The following CARS2 variants were observed in gnomAD, a reference collection of about 807,000 sequenced individuals.
The protein encoded by CARS2 is cysteinyl-tRNA synthetase 2, mitochondrial, also known as probable cysteine--tRNA ligase, mitochondrial.
A neutral mutation model predicts 68.8 loss-of-function variants in CARS2; 52 were observed. The observed-to-expected ratio is 0.76, with a 90% CI of 0.61 to 0.95. The LOEUF is 0.95. Ranked by LOEUF, CARS2 falls within the 40% of genes least tolerant of loss-of-function variation. The pLI is 0.00. For synonymous variants in CARS2, 314 were observed against 303.6 expected, an observed-to-expected ratio of 1.03 and a Z score of -0.36; for missense variants, 780 against 754.2, an observed-to-expected ratio of 1.03 and a Z score of -0.40.
Position 110,674,738 on chromosome 13 carries a change from T to C in CARS2, c.785+2236A>G, listed in dbSNP as rs1017057172. Among the ~76,000 whole-genome samples the C allele has an allele frequency of 1.1e-3, 160 of 152,220 alleles. 2 individuals carry two copies. The highest frequency in any genetic ancestry group is 4.8e-3 in the Admixed American group (73 of 15,280). ...CTAATTAAACTAAAGAGCTTCTGCA[T>C]AGCAAAAGAAACAACCATCAGAGTG... On this transcript the variant is annotated intron_variant, in intron 7 of 14. Coordinates refer to ENST00000257347, the MANE Select transcript of CARS2 (RefSeq NM_024537.4).
chr13:110,713,265 CAG>C (rs2064058744), exon 1 of CARS2: 10 of 1,327,502 alleles, frequency 7.5e-6, no homozygotes, highest in African/African-American at 5.9e-5. Context: ...GACGAAGAGT[CAG>C]GGGCTGAGGA....
chr13:110,691,406 A>G (rs1283571404), intron 3 of CARS2, among the ~76,000 whole-genome samples: 2 of 152,316 alleles, frequency 1.3e-5, no homozygotes, highest in East Asian at 3.9e-4. Context: ...TTGTTTCATG[A>G]AATGTAAAAA....
intron 1 of CARS2, chr13:110,712,631 A>C (rs1369344899): frequency 3.7e-6 from 2 of 533,498 alleles, no homozygotes; most frequent in East Asian, 3.8e-5. Context: ...GGGAGGGTAG[A>C]GGGGCGACGC....
intron 14 of CARS2, among the ~76,000 whole-genome samples, chr13:110,641,929 C>T (rs550612668): frequency 6.6e-6 from 1 of 152,328 alleles, no homozygotes; most frequent in East Asian, 1.9e-4. Flanking sequence ...GGGCAGGGCG[C>T]AGTGGCTCAC....
rs766429395 is a variant in CARS2, at chr13:110,641,492, A to G, written c.*45T>C. ...ACATAAAGCCTTGACCCTGAGAAGC[A>G]TGGGTGCGTCTTGTCGTGAGCAGGT... On this transcript the variant is annotated 3_prime_UTR_variant, in exon 15 of 15. Coordinates refer to ENST00000257347, the MANE Select transcript of CARS2 (RefSeq NM_024537.4). 11 of 1,466,556 alleles carry G rather than the reference A, an allele frequency of 7.5e-6. No homozygotes were observed. Among genetic ancestry groups the G allele is most frequent in the Admixed American group, 6.7e-5 (4 of 59,814 alleles). The allele number at this position is 1,466,556 out of a possible 1,614,324, so 90.8% of individuals were successfully genotyped here. A position where few individuals can be genotyped will look rare whatever the true frequency, so the allele number is the denominator to read the frequency against.
intron 9 of CARS2, 35 bp downstream of exon 9, chr13:110,663,416 G>T (rs778989106): frequency 6.3e-7 from 1 of 1,595,338 alleles, no homozygotes; most frequent in South Asian, 1.1e-5. Context: ...ACAAGCTATC[G>T]GCACCTCAGA....
At chr13:110,687,692 G>GAAAA (rs552751411) in intron 5 of CARS2, 29 bp downstream of exon 5, 1 of 931,898 alleles carries the variant, frequency 1.1e-6, no homozygotes. Flanking sequence ...AAAAAAAAAA[G>GAAAA]AAAAAAAAAA....
rs948688494 is a variant in CARS2, at chr13:110,706,056, G to C, written c.38C>G (p.Pro13Arg). ...RTTRGPGLGP[P>R]LLQAALGLGR... Reference sequence around the variant, plus strand: ...AAGGCCCAGCGCGGCCTGGAGCAGCGGGGGGCCCAGGCCTGGGCCGCGCGT... The same window carrying C: ...AAGGCCCAGCGCGGCCTGGAGCAGCCGGGGGCCCAGGCCTGGGCCGCGCGT... The change falls in exon 1 of 15, where the codon CCG becomes CGG. Residue 13 changes from proline (P) to arginine (R), a missense_variant. Pro to Arg is a moderately radical substitution (Grantham distance 103). Coordinates refer to ENST00000257347, the MANE Select transcript of CARS2 (RefSeq NM_024537.4). The C allele has an allele frequency of 2.9e-6, 4 of 1,358,068 alleles. No individual in the cohort carries two copies. The highest frequency in any genetic ancestry group is 1.5e-5 in the African/African-American group (1 of 65,756). 84.1% of individuals were successfully genotyped at this position (1,358,068 alleles called of 1,614,324 possible). A position where few individuals can be genotyped will look rare whatever the true frequency, so the allele number is the denominator to read the frequency against.
chr13:110,673,890 A>C (rs998964263), intron 7 of CARS2, among the ~76,000 whole-genome samples: 9 of 152,220 alleles, frequency 5.9e-5, no homozygotes, highest in African/African-American at 2.2e-4. Context: ...ATCAATGTGC[A>C]AAAATCACAA....
chr13:110,650,171 C>T (rs925504057), intron 10 of CARS2: 2 of 152,114 alleles, frequency 1.3e-5, no homozygotes, highest in African/African-American at 4.8e-5. Context: ...GATCATGGCT[C>T]ACTGCAGCCT....
upstream of CARS2, chr13:110,706,567 C>G (rs547915121): frequency 8.2e-4 from 125 of 152,764 alleles, no homozygotes; most frequent in Non-Finnish European, 1.5e-3. Flanking sequence ...AGTGTCCACC[C>G]CAGAACACAC....
At chr13:110,675,440 G>C (rs1396751341) in intron 7 of CARS2, among the ~76,000 whole-genome samples, 1 of 152,150 alleles carries the variant, frequency 6.6e-6, no homozygotes, top group Non-Finnish European at 1.5e-5. Flanking sequence ...CCATCATTCT[G>C]AGCAAACTAT....
chr13:110,642,545 C>G lies in CARS2; in HGVS notation c.1417-24G>C, dbSNP rs753970334. 4.4e-6 allele frequency: 7 copies of G among 1,602,650 alleles called. No homozygotes were observed. In the South Asian group the frequency reaches 6.7e-5, roughly 15 times the overall value. ...TACTGAAGCCAGCAGGGCGCGGTTA[C>G]GTCCCCCGGAGACTGTGGATTGTGG... On this transcript the variant is annotated intron_variant, in intron 13 of 14. Transcript: ENST00000257347.
Position 110,676,409 on chromosome 13 carries a change from G to A in CARS2, c.785+565C>T, listed in dbSNP as rs557738965. ...TAGGGGATGCCGCAGTGGGCCAGGA[G>A]AGCAGTGTCGTGTGACTGAGTGGGG... is the stretch of plus-strand genomic sequence containing the variant. On this transcript the variant is annotated intron_variant, in intron 7 of 14. Transcript: ENST00000257347. The surrounding 1 kb of genome is among the most constrained non-coding windows in gnomAD (Gnocchi z 4.0). Among the ~76,000 whole-genome samples, 6 of 152,330 alleles carry A rather than the reference G, an allele frequency of 3.9e-5. No individual in the cohort carries two copies. The South Asian group carries it at 8.3e-4, about 21-fold the overall frequency.
At chr13:110,710,885 A>G (rs958043505), upstream of CARS2, among the ~76,000 whole-genome samples, 9 of 152,092 alleles carry the variant, frequency 5.9e-5, no homozygotes, top group Non-Finnish European at 1.2e-4. Flanking sequence ...ATGTGAAGAG[A>G]GTACATAACT....
chr13:110,692,496 G>T, intron 3 of CARS2, among the ~76,000 whole-genome samples: 1 of 148,060 alleles, frequency 6.8e-6, no homozygotes, highest in Non-Finnish European at 1.5e-5. Flanking sequence ...ATAAATAAAA[G>T]TTTTCATATT....
chr13:110,651,103 G>C lies in CARS2; in HGVS notation c.988-3C>G. On this transcript the variant is annotated splice_region_variant and splice_polypyrimidine_tract_variant and intron_variant, in intron 9 of 14. Coordinates refer to ENST00000257347, the MANE Select transcript of CARS2 (RefSeq NM_024537.4). ...GGGGAAAAGGTCTTCAGAAAGTCCT[G>C]GTAAAGCGAGAGACAGGCAGTCACG... The C allele has an allele frequency of 1.2e-6, 2 of 1,611,920 alleles. No homozygotes were observed. Among genetic ancestry groups the C allele is most frequent in the Non-Finnish European group, 1.7e-6 (2 of 1,178,532 alleles).
rs1233225244 is a variant in CARS2, at chr13:110,705,280, C to T, written c.275+241G>A. Reference sequence around the variant, plus strand: ...AAACCCAGCAAAAAACATCTAGTTCCAAAACGGGTCATTTTTCAGTGCTCC... The same window carrying T: ...AAACCCAGCAAAAAACATCTAGTTCTAAAACGGGTCATTTTTCAGTGCTCC... On this transcript the variant is annotated intron_variant, in intron 2 of 14. Transcript: ENST00000257347. This position sits in a 1 kb window ranked among gnomAD's most constrained non-coding sequence, Gnocchi z 4.0. 6.6e-6 allele frequency among the ~76,000 whole-genome samples: 1 copy of T among 152,154 alleles called. No individual in the cohort carries two copies. Among genetic ancestry groups the T allele is most frequent in the Non-Finnish European group, 1.5e-5 (1 of 68,024 alleles).
chr13:110,652,530 G>A (rs2062245069), intron 9 of CARS2, among the ~76,000 whole-genome samples: 1 of 152,212 alleles, frequency 6.6e-6, no homozygotes, highest in African/African-American at 2.4e-5. Flanking sequence ...GGGGCTCCCT[G>A]GACTGCTGAG....
Sources: allele counts gnomAD v4.1 joint callset (sites outside exome capture counted in the v4.1 genomes callset), GRCh38; gene constraint gnomAD v4.1.1; non-coding constraint Gnocchi (gnomAD v3.1); transcripts MANE v1.5; gene names NCBI Gene and HGNC (gene_info 2026-07-23, HGNC 2026-07-21).